Variants in EDA observed in about 807,000 individuals in gnomAD.
The protein encoded by EDA is ectodysplasin-A.
EDA carries 2 observed loss-of-function variants against 23.6 expected under a neutral mutation model. That is an observed-to-expected ratio of 0.08 (90% CI 0.03 to 0.27). The LOEUF is 0.27. Ranked by LOEUF, EDA falls within the 10% of genes least tolerant of loss-of-function variation. The probability of loss-of-function intolerance (pLI) is 1.00; values close to 1 mark genes in which losing one functional copy is unlikely to be tolerated. For missense variants in EDA, 229 were observed against 324.2 expected (o/e 0.71, Z 2.26); for synonymous variants, 131 against 132.0 (o/e 0.99, Z 0.05).
chrX:69,916,502 A>G (rs1365976684), intron 1 of EDA, among the ~76,000 whole-genome samples: 4 of 98,788 alleles, frequency 4.0e-5, no homozygotes, highest in African/African-American at 1.5e-4. Context: ...TCCCGGGTTC[A>G]CGCCATTCTC....
intron 1 of EDA, among the ~76,000 whole-genome samples, chrX:69,863,529 GTGTA>G (rs1428032936): frequency 0.031 from 968 of 31,512 alleles, 14 homozygotes; most frequent in African/African-American, 0.068. Flanking sequence ...ATATATGTGT[GTGTA>G]TATATATATA....
chrX:69,842,014 C>T (rs1469544174), intron 1 of EDA, among the ~76,000 whole-genome samples: 1 of 112,074 alleles, frequency 8.9e-6, no homozygotes, highest in African/African-American at 3.2e-5. Context: ...TCAGGGGTCC[C>T]CCCCGTCGGA....
At chrX:69,822,917 A>G (rs1602445879) in intron 1 of EDA, among the ~76,000 whole-genome samples, 1 of 93,318 alleles carries the variant, frequency 1.1e-5, no homozygotes. Flanking sequence ...TCATTGTTCA[A>G]TTCCCACCTA....
At chrX:69,944,201 A>C (rs1364934885) in intron 1 of EDA, among the ~76,000 whole-genome samples, 1 of 112,055 alleles carries the variant, frequency 8.9e-6, no homozygotes, top group Non-Finnish European at 1.9e-5. Context: ...GCTGTAAAAC[A>C]AAGTCCCTTC....
At chrX:69,971,679 C>T (rs1041440930) in intron 2 of EDA, among the ~76,000 whole-genome samples, 1 of 111,329 alleles carries the variant, frequency 9.0e-6, no homozygotes, top group African/African-American at 3.3e-5. Context: ...TTACATTCTT[C>T]CACGTGCATG....
At chrX:69,628,091 G>T (rs1932452213) in intron 1 of EDA, among the ~76,000 whole-genome samples, 1 of 111,768 alleles carries the variant, frequency 8.9e-6, no homozygotes, top group African/African-American at 3.3e-5. Context: ...CCAAACAGCC[G>T]CAATGAAATT....
intron 1 of EDA, among the ~76,000 whole-genome samples, chrX:69,813,096 T>C (rs1248175694): frequency 9.0e-6 from 1 of 110,992 alleles, no homozygotes; most frequent in Non-Finnish European, 1.9e-5. Flanking sequence ...CAGTAATCCT[T>C]TTATGTGTTC....
At chrX:69,879,508 G>A (rs757212299) in intron 1 of EDA, among the ~76,000 whole-genome samples, 14 of 111,703 alleles carry the variant, frequency 1.3e-4, no homozygotes, top group African/African-American at 3.6e-4. Context: ...GAGAAAGTTC[G>A]CCTTCCCTCA....
intron 1 of EDA, among the ~76,000 whole-genome samples, chrX:69,863,287 A>G (rs2017417978): frequency 9.1e-6 from 1 of 109,404 alleles, no homozygotes; most frequent in South Asian, 3.9e-4. Flanking sequence ...TGACCCTACC[A>G]TATGGTCTAC....
At chrX:70,009,834 G>A (rs761382157) in intron 2 of EDA, among the ~76,000 whole-genome samples, 7 of 111,659 alleles carry the variant, frequency 6.3e-5, no homozygotes, top group East Asian at 5.6e-4. Context: ...TGATCTGCCC[G>A]TCTCAGCTTC....
intron 1 of EDA, among the ~76,000 whole-genome samples, chrX:69,834,402 TA>T (rs1246168278): frequency 9.0e-6 from 1 of 111,553 alleles, no homozygotes; most frequent in Non-Finnish European, 1.9e-5. Flanking sequence ...ATTGGGTGCA[TA>T]TATATTTAGG....
chrX:69,735,867 A>C (rs1437177003), intron 1 of EDA, among the ~76,000 whole-genome samples: 1 of 111,479 alleles, frequency 9.0e-6, no homozygotes, highest in African/African-American at 3.3e-5. Flanking sequence ...GATTGCCCCC[A>C]CACACTCTTT....
At chrX:69,757,826 G>T (rs999543128) in intron 1 of EDA, among the ~76,000 whole-genome samples, 2 of 112,214 alleles carry the variant, frequency 1.8e-5, no homozygotes, top group African/African-American at 6.5e-5. Context: ...TCTCTAAGAG[G>T]CAGTGGTAAT....
intron 1 of EDA, among the ~76,000 whole-genome samples, chrX:69,654,010 G>C (rs1166852618): frequency 9.0e-6 from 1 of 111,306 alleles, no homozygotes; most frequent in Non-Finnish European, 1.9e-5. Context: ...AGAGTGAACA[G>C]GCAACCTACA....
chrX:69,930,160 C>G (rs1378273875), intron 1 of EDA, among the ~76,000 whole-genome samples: 1 of 111,586 alleles, frequency 9.0e-6, no homozygotes, highest in African/African-American at 3.3e-5. Context: ...TTGACTAGAG[C>G]AAGTAACTAG....
At chrX:69,719,961 G>T (rs1393436744) in intron 1 of EDA, among the ~76,000 whole-genome samples, 1 of 110,105 alleles carries the variant, frequency 9.1e-6, no homozygotes, top group Non-Finnish European at 1.9e-5. Context: ...TGTTGGTTAG[G>T]CTCGTCTCGA....
At chrX:69,769,112 G>A (rs1030864156) in intron 1 of EDA, among the ~76,000 whole-genome samples, 2 of 111,411 alleles carry the variant, frequency 1.8e-5, no homozygotes, top group Non-Finnish European at 3.8e-5. Context: ...GCGTGATCTA[G>A]CTTGGTAAAT....
intron 2 of EDA, among the ~76,000 whole-genome samples, chrX:69,992,174 A>G (rs2019597311): frequency 9.0e-6 from 1 of 111,663 alleles, no homozygotes; most frequent in Non-Finnish European, 1.9e-5. Flanking sequence ...GGGATATATG[A>G]GAGACAGAGG....
At position 69,756,034 on chromosome X, in the gene EDA, C is replaced by G. The variant is rs755207743; in HGVS notation, c.396+139330C>G. Among the ~76,000 whole-genome samples, 6 of 112,241 alleles carry G rather than the reference C, an allele frequency of 5.3e-5. No homozygotes were observed. The South Asian group carries it at 2.3e-3, about 42-fold the overall frequency. ...TTCCCGGGTGAGGCGATGCCCCGCC[C>G]TGCTCCATGGGCTGCACCCACTGTC... On this transcript the variant is annotated intron_variant, in intron 1 of 7. Coordinates refer to ENST00000374552, the MANE Select transcript of EDA (RefSeq NM_001399.5).
Sources: allele counts gnomAD v4.1 joint callset (sites outside exome capture counted in the v4.1 genomes callset), GRCh38; gene constraint gnomAD v4.1.1; transcripts MANE v1.5; gene names NCBI Gene and HGNC (gene_info 2026-07-23, HGNC 2026-07-21).